The following FAM47E variants were observed in gnomAD, a reference collection of about 807,000 sequenced individuals.
FAM47E encodes the protein protein FAM47E.
Under a neutral mutation model 41.6 loss-of-function variants are expected in FAM47E, and 32 were observed. The observed-to-expected ratio is 0.77, with a 90% CI of 0.58 to 1.03. FAM47E has a LOEUF of 1.03. FAM47E is among the 50% of genes least tolerant of loss of function. The pLI is 0.00. For missense variants in FAM47E, 424 were observed against 485.4 expected (o/e 0.87, Z 1.19); for synonymous variants, 184 against 188.7 (o/e 0.98, Z 0.20).
chr4:76,214,237 A>G, exon 1 of FAM47E: 1 of 454,916 alleles, frequency 2.2e-6, no homozygotes, highest in South Asian at 1.6e-5. Context: ...ATTACAACAC[A>G]ATGTAGCAAG....
intron 2 of FAM47E, among the ~76,000 whole-genome samples, chr4:76,262,759 A>G (rs546228363): frequency 6.6e-6 from 1 of 151,888 alleles, no homozygotes; most frequent in African/African-American, 2.4e-5. Flanking sequence ...TCCCATCATG[A>G]TTGTTTTTTG....
intron 5 of FAM47E, among the ~76,000 whole-genome samples, chr4:76,275,894 C>A (rs566296570): frequency 1.3e-5 from 2 of 152,234 alleles, no homozygotes; most frequent in South Asian, 4.1e-4. Flanking sequence ...CCTTCCTCCA[C>A]CTCAGGGATA....
At chr4:76,248,942 CA>C (rs781061091), upstream of FAM47E, among the ~76,000 whole-genome samples, 8 of 152,146 alleles carry the variant, frequency 5.3e-5, no homozygotes, top group Non-Finnish European at 8.8e-5. Context: ...ATTTCATTCC[CA>C]AAAGGATTAT....
At chr4:76,250,740 T>C (rs1388309390), upstream of FAM47E, among the ~76,000 whole-genome samples, 1 of 152,182 alleles carries the variant, frequency 6.6e-6, no homozygotes, top group Non-Finnish European at 1.5e-5. Flanking sequence ...ACAATTGGGC[T>C]AATTATAATG....
chr4:76,237,301 A>C (rs1045917562), intron 2 of FAM47E, among the ~76,000 whole-genome samples: 1 of 151,172 alleles, frequency 6.6e-6, no homozygotes, highest in Non-Finnish European at 1.5e-5. Flanking sequence ...GTTTAATTTT[A>C]AAAGTGCCCT....
chr4:76,266,369 C>A (rs1053298851), intron 3 of FAM47E, among the ~76,000 whole-genome samples: 1 of 152,212 alleles, frequency 6.6e-6, no homozygotes, highest in Non-Finnish European at 1.5e-5. Flanking sequence ...TTTTCTCCCC[C>A]GAACTTATTC....
chr4:76,261,988 G>C (rs1734437815), intron 2 of FAM47E, among the ~76,000 whole-genome samples: 1 of 152,078 alleles, frequency 6.6e-6, no homozygotes, highest in African/African-American at 2.4e-5. Context: ...ATTACTGACT[G>C]GTTCAAAAAT....
At chr4:76,270,586 C>T (rs1734845072) in intron 4 of FAM47E, among the ~76,000 whole-genome samples, 1 of 152,136 alleles carries the variant, frequency 6.6e-6, no homozygotes, top group Non-Finnish European at 1.5e-5. Context: ...ATTGGATTGC[C>T]TGATTTCCAG....
chr4:76,224,473 A>T (rs765220864), intron 2 of FAM47E, among the ~76,000 whole-genome samples: 4 of 152,188 alleles, frequency 2.6e-5, no homozygotes, highest in Non-Finnish European at 5.9e-5. Flanking sequence ...TGTGTTGTAA[A>T]GGTGGCAGGA....
intron 2 of FAM47E, among the ~76,000 whole-genome samples, chr4:76,245,090 C>CAGCTAGAATTGCTGATCAGTTAATT: frequency 6.6e-6 from 1 of 152,156 alleles, no homozygotes; most frequent in South Asian, 2.1e-4. Context: ...TTGCCCCCAA[C>CAGCTAGAATTGCTGATCAGTTAATT]TCACCAACAC....
upstream of FAM47E, among the ~76,000 whole-genome samples, chr4:76,247,337 A>T (rs746660112): frequency 6.6e-6 from 1 of 152,120 alleles, no homozygotes; most frequent in African/African-American, 2.4e-5. Flanking sequence ...TTATTAATTC[A>T]TCTGTTGGTG....
intron 2 of FAM47E, among the ~76,000 whole-genome samples, chr4:76,221,847 C>T (rs1347442792): frequency 6.6e-6 from 1 of 152,186 alleles, no homozygotes; most frequent in Non-Finnish European, 1.5e-5. Context: ...GCACACCAAA[C>T]CTCAGCGACA....
intron 2 of FAM47E, among the ~76,000 whole-genome samples, chr4:76,238,468 C>T (rs750664462): frequency 2.8e-4 from 43 of 152,296 alleles, no homozygotes; most frequent in Non-Finnish European, 4.9e-4. Flanking sequence ...AGTTTGTTTC[C>T]TCATACTACA....
chr4:76,217,118 T>G (rs1278644328), intron 1 of FAM47E, among the ~76,000 whole-genome samples: 1 of 152,210 alleles, frequency 6.6e-6, no homozygotes, highest in East Asian at 1.9e-4. Context: ...TAATTGGCAT[T>G]GTTAGTTTAT....
At chr4:76,261,893 G>A (rs1734434405) in intron 2 of FAM47E, among the ~76,000 whole-genome samples, 1 of 152,090 alleles carries the variant, frequency 6.6e-6, no homozygotes, top group Non-Finnish European at 1.5e-5. Flanking sequence ...AGTGTCATTT[G>A]TTCGCATTAG....
At chr4:76,221,813 A>G (rs1733313769) in intron 2 of FAM47E, among the ~76,000 whole-genome samples, 1 of 152,238 alleles carries the variant, frequency 6.6e-6, no homozygotes, top group Non-Finnish European at 1.5e-5. Flanking sequence ...TATCATGCTC[A>G]CTACCTGGGT....
rs772174756 is a variant in FAM47E at position 76,278,101 on chromosome 4, G to T, written c.903G>T (p.Arg301Ser). The change falls in exon 6 of 8, where the codon AGG becomes AGT. Residue 301 changes from arginine (R) to serine (S), a missense_variant. Coordinates refer to ENST00000424749, the MANE Select transcript of FAM47E (RefSeq NM_001136570.3). ...ATAAGCCAAAGTGGGTGAAGATGAG[G>T]TATGGAGCATGGTATTTGAACCCCA... ...NPYKPKWVKM[R>S]YGAWYLNPKL... 1.2e-4 allele frequency: 192 copies of T among 1,548,238 alleles called. No individual in the cohort carries two copies. The highest frequency in any genetic ancestry group is 1.4e-4 in the Non-Finnish European group (159 of 1,145,988).
intron 1 of FAM47E, among the ~76,000 whole-genome samples, chr4:76,254,144 A>AC (rs1560741294): frequency 7.0e-6 from 1 of 142,050 alleles, no homozygotes; most frequent in African/African-American, 2.6e-5. Flanking sequence ...AAAAAAAAAA[A>AC]CAGAAAAAGA....
At chr4:76,260,800 T>C (rs1419506100) in intron 2 of FAM47E, among the ~76,000 whole-genome samples, 1 of 152,142 alleles carries the variant, frequency 6.6e-6, no homozygotes, top group Non-Finnish European at 1.5e-5. Context: ...GAGAAACTAT[T>C]TGCAAACTAT....
Sources: allele counts gnomAD v4.1 joint callset (sites outside exome capture counted in the v4.1 genomes callset), GRCh38; gene constraint gnomAD v4.1.1; transcripts MANE v1.5; gene names NCBI Gene and HGNC (gene_info 2026-07-23, HGNC 2026-07-21).